Variants in PRAM1 observed in about 807,000 individuals in gnomAD.
PRAM1 encodes the protein PML-RARA-regulated adapter molecule 1.
In PRAM1, 41 loss-of-function variants were observed where a neutral mutation model predicts 55.3. The ratio of observed to expected loss-of-function variants is 0.74; its 90% CI spans 0.58 to 0.96. PRAM1 has a LOEUF of 0.96. PRAM1 is among the 40% of genes least tolerant of loss of function. PRAM1 has a pLI of 0.00. For synonymous variants in PRAM1, 401 were observed against 387.1 expected (o/e 1.04, Z -0.42); for missense variants, 898 against 892.7 (o/e 1.01, Z -0.08).
chr19:8,494,932 CTTTT>C (rs769996945), intron 4 of PRAM1, among the ~76,000 whole-genome samples: 1 of 135,862 alleles, frequency 7.4e-6, no homozygotes, highest in African/African-American at 2.7e-5. Flanking sequence ...TGCGCCTGGC[CTTTT>C]TTTTTTTTTT....
At position 8,499,314 on chromosome 19, in the gene PRAM1, C is replaced by CGGG. The variant is rs761524524; in HGVS notation, c.491_493dup (p.Ala164_Arg165insPro). ...GAGTTCGTCGGGCTGCAGGGGTTTC[C>CGGG]GGGCCGGCGCACCAGGCTCCGGCAG... On this transcript the variant is annotated inframe_insertion, in exon 2 of 10. Transcript: ENST00000423345. 6.2e-7 allele frequency: 1 copy of CGGG among 1,609,762 alleles called. No individual in the cohort carries two copies. Among genetic ancestry groups the CGGG allele is most frequent in the East Asian group, 2.2e-5 (1 of 44,792 alleles).
rs781673726 is a variant in PRAM1, at chr19:8,499,179, C to T, written c.629G>A (p.Ser210Asn). 3.7e-6 allele frequency: 6 copies of T among 1,613,470 alleles called. No individual in the cohort carries two copies. The Admixed American group carries it at 8.3e-5, about 22-fold the overall frequency. Reference sequence around the variant, plus strand: ...CTGCGCAGGCTTCTTGGGAAAGGTACTCAACTCAGGCTGCGGGGACCTCGG... The same window carrying T: ...CTGCGCAGGCTTCTTGGGAAAGGTATTCAACTCAGGCTGCGGGGACCTCGG... ...ATPRSPQPEL[S>N]TFPKKPAQPE... The change falls in exon 2 of 10, where the codon AGT becomes AAT. Residue 210 changes from serine to asparagine, a missense_variant. Ser to Asn is a conservative substitution (Grantham distance 46, BLOSUM62 1). This residue lies in a region of PRAM1 where 787 missense variants were observed against 735.4 expected (regional missense o/e 1.07). Coordinates refer to ENST00000423345, the MANE Select transcript of PRAM1 (RefSeq NM_032152.5).
Position 8,490,113 on chromosome 19 carries a change from C to T in PRAM1, c.*76G>A, listed in dbSNP as rs772889621. On this transcript the variant is annotated 3_prime_UTR_variant, in exon 10 of 10. Transcript: ENST00000423345. The surrounding 1 kb of genome is among the most constrained non-coding windows in gnomAD (Gnocchi z 7.3). ...CAAGCCCAGGCAGCTCTGTGACTTT[C>T]CCGCGCCGGGATCCAGGGCTCCTGG... The T allele has an allele frequency of 7.1e-6, 10 of 1,409,892 alleles. No homozygotes were observed. The highest frequency in any genetic ancestry group is 9.5e-6 in the Non-Finnish European group (10 of 1,054,448). The allele number at this position is 1,409,892 out of a possible 1,614,324, so 87.3% of individuals were successfully genotyped here.
In PRAM1 at chr19:8,499,766, G is replaced by A. The variant is rs749242699; in HGVS notation, c.42C>T (p.Asp14=). Residue 14 remains aspartate (D), a synonymous_variant, in exon 2 of 10, where the codon GAC becomes GAT. Coordinates refer to ENST00000423345, the MANE Select transcript of PRAM1 (RefSeq NM_032152.5). ...HLPAAMESHQ[D]FRSIKAKFQA... Reference sequence around the variant, plus strand: ...GGAACTTTGCTTTGATGCTCCGGAAGTCCTGATGGCTCTCCTAGGAGACGC... The same window carrying A: ...GGAACTTTGCTTTGATGCTCCGGAAATCCTGATGGCTCTCCTAGGAGACGC... 12 of 1,605,174 alleles carry A rather than the reference G, an allele frequency of 7.5e-6. 1 individual carries two copies. Among genetic ancestry groups the A allele is most frequent in the Non-Finnish European group, 1.0e-5 (12 of 1,176,044 alleles).
rs750535341 is a variant in PRAM1 at position 8,490,663 on chromosome 19, C to T, written c.1837G>A (p.Gly613Arg). The T allele has an allele frequency of 9.4e-6, 15 of 1,590,628 alleles. No homozygotes were observed. Among genetic ancestry groups the T allele is most frequent in the Admixed American group, 1.8e-5 (1 of 55,584 alleles). Residue 613 changes from glycine to arginine, a missense_variant, in exon 7 of 10, where the codon GGG becomes AGG. Physicochemically the swap from Gly to Arg is moderately radical, Grantham distance 125 (BLOSUM62 -2). Coordinates refer to ENST00000423345, the MANE Select transcript of PRAM1 (RefSeq NM_032152.5). This position sits in a 1 kb window ranked among gnomAD's most constrained non-coding sequence, Gnocchi z 7.3. Reference sequence around the variant, plus strand: ...AACTCGATCACCTCCAGGATCTCCCCGCGCCGGATCCCGAGGTGCTTGCCA... The same window carrying T: ...AACTCGATCACCTCCAGGATCTCCCTGCGCCGGATCCCGAGGTGCTTGCCA... ...GGGKHLGIRR[G>R]EILEVIEFTS... is the part of the protein sequence containing the mutation.
At chr19:8,497,412 G>A (rs777897875) in intron 4 of PRAM1, among the ~76,000 whole-genome samples, 1 of 152,060 alleles carries the variant, frequency 6.6e-6, no homozygotes, top group African/African-American at 2.4e-5. Context: ...TTGGGCTTAC[G>A]GGATCCTCCT....
chr19:8,499,789 C>T lies in PRAM1; in HGVS notation c.28-9G>A, dbSNP rs142791911. The T allele has an allele frequency of 5.8e-5, 92 of 1,581,302 alleles. No homozygotes were observed. The highest frequency in any genetic ancestry group is 9.3e-5 in the Admixed American group (5 of 53,648). The stretch of plus-strand genomic sequence containing the variant: ...AAGTCCTGATGGCTCTCCTAGGAGA[C>T]GCAGAGCCAATGAGGCAGGGGCTCA... On this transcript the variant is annotated splice_polypyrimidine_tract_variant and intron_variant, in intron 1 of 9. Coordinates refer to ENST00000423345, the MANE Select transcript of PRAM1 (RefSeq NM_032152.5).
chr19:8,494,461 A>AGGG (rs1326455590), intron 4 of PRAM1, among the ~76,000 whole-genome samples: 1 of 152,128 alleles, frequency 6.6e-6, no homozygotes, highest in African/African-American at 2.4e-5. Flanking sequence ...GGAGAAGCAG[A>AGGG]GGGGGCCTCT....
At chr19:8,492,070 T>A (rs1338060210) in intron 4 of PRAM1, 2 of 151,676 alleles carry the variant, frequency 1.3e-5, no homozygotes, top group African/African-American at 4.9e-5. Flanking sequence ...TAGGTGGGAT[T>A]ACAGGCACAT....
intron 4 of PRAM1, among the ~76,000 whole-genome samples, chr19:8,495,900 T>A (rs1599879534): frequency 6.6e-6 from 1 of 151,826 alleles, no homozygotes; most frequent in Non-Finnish European, 1.5e-5. Flanking sequence ...GCAGGCAAGG[T>A]GCTTGCCTGG....
At chr19:8,497,983 G>C (rs1437504276) in intron 3 of PRAM1, 143 bp from the exon 4 acceptor site, 4 of 725,586 alleles carry the variant, frequency 5.5e-6, no homozygotes, top group African/African-American at 1.9e-5. Context: ...CCGGGTTCAA[G>C]CGATTCTCCT....
chr19:8,496,425 T>TA (rs1599879915), intron 4 of PRAM1, among the ~76,000 whole-genome samples: 1 of 148,218 alleles, frequency 6.7e-6, no homozygotes, highest in African/African-American at 2.5e-5. Flanking sequence ...TCCAAAAAAA[T>TA]AAAAAATAAA....
intron 4 of PRAM1, among the ~76,000 whole-genome samples, chr19:8,494,566 C>T (rs1028892432): frequency 3.3e-5 from 5 of 152,144 alleles, no homozygotes; most frequent in Non-Finnish European, 7.3e-5. Context: ...AGATCCAGCT[C>T]GTGGACCAGC....
Position 8,490,605 on chromosome 19 carries a change from G to T in PRAM1, c.1895C>A (p.Pro632His), listed in dbSNP as rs972557707. Reference protein sequence around the residue: ...TSNEEMLCRDPKGKYGYVPRT... With the variant: ...TSNEEMLCRDHKGKYGYVPRT... ...CCGGGCGCACTCACATTTGCCTTTG[G>T]GGTCCCGGCACAGCATCTCCTCATT... is the stretch of plus-strand genomic sequence containing the variant. Residue 632 changes from proline to histidine, a missense_variant, in exon 7 of 10, where the codon CCC becomes CAC. By Grantham distance (77) the Pro-to-His change is moderately conservative (BLOSUM62 -2). Around this residue, in one of 4 missense-constraint regions of PRAM1, gnomAD observed 787 missense variants for 735.4 expected, o/e 1.07. Coordinates refer to ENST00000423345, the MANE Select transcript of PRAM1 (RefSeq NM_032152.5). This position sits in a 1 kb window ranked among gnomAD's most constrained non-coding sequence, Gnocchi z 7.3. 3 of 1,585,390 alleles carry T rather than the reference G, an allele frequency of 1.9e-6. No individual in the cohort carries two copies. Among genetic ancestry groups the T allele is most frequent in the Non-Finnish European group, 2.6e-6 (3 of 1,165,872 alleles).
At chr19:8,501,112 T>G (rs1971800662) in intron 1 of PRAM1, among the ~76,000 whole-genome samples, 1 of 149,960 alleles carries the variant, frequency 6.7e-6, no homozygotes, top group Admixed American at 6.6e-5. Context: ...TTTTTTTTTT[T>G]TTTTGAGACG....
rs543344360 is a variant in PRAM1 at position 8,493,359 on chromosome 19, G to A, written c.1577-2202C>T. ...GGCATGGCCATCCACAGTCTCACCT[G>A]GAACACACAGCCCCTCCAGCTGCTC... On this transcript the variant is annotated intron_variant, in intron 4 of 9. Coordinates refer to ENST00000423345, the MANE Select transcript of PRAM1 (RefSeq NM_032152.5). This position sits in a 1 kb window ranked among gnomAD's most constrained non-coding sequence, Gnocchi z 4.1. Among the ~76,000 whole-genome samples, 43 of 152,292 alleles carry A rather than the reference G, an allele frequency of 2.8e-4. No homozygotes were observed. The highest frequency in any genetic ancestry group is 6.2e-4 in the South Asian group (3 of 4,826).
Position 8,499,215 on chromosome 19 carries a change from C to G in PRAM1, c.593G>C (p.Gly198Ala). The G allele has an allele frequency of 6.2e-7, 1 of 1,613,398 alleles. No individual in the cohort carries two copies. Reference protein sequence around the residue: ...FPRKLWQPEAGEATPRSPQPE... With the variant: ...FPRKLWQPEAAEATPRSPQPE... Reference sequence around the variant, plus strand: ...CTGCGGGGACCTCGGGGTAGCCTCACCGGCCTCGGGTTGCCAGAGCTTCCT... The same window carrying G: ...CTGCGGGGACCTCGGGGTAGCCTCAGCGGCCTCGGGTTGCCAGAGCTTCCT... Residue 198 changes from glycine (G) to alanine (A), a missense_variant, in exon 2 of 10, where the codon GGT becomes GCT. By Grantham distance (60) the Gly-to-Ala change is moderately conservative. Transcript: ENST00000423345.
chr19:8,490,487 C>A lies in PRAM1; in HGVS notation c.1929G>T (p.Ala643=). The change falls in exon 8 of 10, where the codon GCG becomes GCT. Residue 643 remains alanine (A), a synonymous_variant. Coordinates refer to ENST00000423345, the MANE Select transcript of PRAM1 (RefSeq NM_032152.5). The surrounding 1 kb of genome is among the most constrained non-coding windows in gnomAD (Gnocchi z 7.3). ...GGGCTGGCACTCACAGGGGCAGGAG[C>A]GCTGTTCTGGGCACGTAGCCATCTG... ...KGKYGYVPRT[A]LLPLETEVYD... 1 of 1,612,562 alleles carries A rather than the reference C, an allele frequency of 6.2e-7. No homozygotes were observed. The highest frequency in any genetic ancestry group is 8.5e-7 in the Non-Finnish European group (1 of 1,179,426).
At chr19:8,502,016 C>T (rs1002983033) in intron 1 of PRAM1, among the ~76,000 whole-genome samples, 2 of 152,128 alleles carry the variant, frequency 1.3e-5, no homozygotes, top group African/African-American at 2.4e-5. Flanking sequence ...TTGCTTCCTG[C>T]GTGTGCCTCA....
Sources: gnomAD v4.1 joint callset for allele counts (sites outside exome capture counted in the v4.1 genomes callset) on GRCh38, gnomAD v4.1.1 for gene constraint, gnomAD v4.1.1 regional missense constraint, Gnocchi (gnomAD v3.1) non-coding constraint, MANE v1.5 for transcripts, NCBI Gene and HGNC (gene_info 2026-07-23, HGNC 2026-07-21) for gene names.